Variants in THSD4 observed in about 807,000 individuals in gnomAD.
THSD4 encodes thrombospondin type 1 domain containing 4.
A neutral mutation model predicts 119.0 loss-of-function variants in THSD4; 69 were observed. The ratio of observed to expected loss-of-function variants is 0.58; its 90% CI spans 0.48 to 0.71. THSD4 has a LOEUF of 0.71. Among genes scored for constraint, THSD4 ranks in the 30% least tolerant of loss-of-function variants. The pLI, the probability that THSD4 is intolerant of heterozygous loss-of-function variation, is 0.00. For missense variants in THSD4, 1,393 were observed against 1,391.1 expected, an observed-to-expected ratio of 1.00 and a Z score of -0.02; for synonymous variants, 524 against 540.4, an observed-to-expected ratio of 0.97 and a Z score of 0.42.
intron 1 of THSD4, among the ~76,000 whole-genome samples, chr15:71,116,856 CT>C (rs1052565731): frequency 6.6e-6 from 1 of 152,002 alleles, no homozygotes; most frequent in African/African-American, 2.4e-5. Context: ...TTACTAGGGT[CT>C]TACTGGGTCT....
chr15:71,662,441 CCTTT>C (rs1361435153), intron 8 of THSD4, among the ~76,000 whole-genome samples: 1 of 152,174 alleles, frequency 6.6e-6, no homozygotes, highest in Admixed American at 6.5e-5. Flanking sequence ...TGTGTTTCCT[CCTTT>C]CTTTTGTACT....
chr15:71,724,006 T>A (rs1265496652), intron 8 of THSD4, among the ~76,000 whole-genome samples: 1 of 148,242 alleles, frequency 6.7e-6, no homozygotes, highest in Non-Finnish European at 1.5e-5. Flanking sequence ...CAGTGAGCAG[T>A]AAGCCATGAT....
intron 6 of THSD4, among the ~76,000 whole-genome samples, 171 bp downstream of exon 6, chr15:71,256,886 G>A (rs2044324082): frequency 6.6e-6 from 1 of 152,212 alleles, no homozygotes; most frequent in Non-Finnish European, 1.5e-5. Flanking sequence ...ACCAAAGGTA[G>A]CATAGCTCAG....
chr15:71,141,919 C>T (rs538890158), intron 2 of THSD4, among the ~76,000 whole-genome samples: 7 of 152,258 alleles, frequency 4.6e-5, no homozygotes, highest in South Asian at 2.1e-4. Flanking sequence ...CTCTGGCCAA[C>T]GTGGTGAAAC....
intron 8 of THSD4, among the ~76,000 whole-genome samples, chr15:71,681,599 G>A (rs934421512): frequency 2.6e-5 from 4 of 151,528 alleles, no homozygotes; most frequent in African/African-American, 7.3e-5. Context: ...CGATTGAACC[G>A]GGGGGGTGGA....
intron 6 of THSD4, among the ~76,000 whole-genome samples, chr15:71,390,849 CTTTTT>C (rs1010882999): frequency 7.7e-5 from 7 of 90,878 alleles, no homozygotes; most frequent in African/African-American, 1.8e-4. Context: ...TTGGCTAAAT[CTTTTT>C]TTTTTTTTTT....
rs11452105 is a variant in THSD4, at chr15:71,191,904, CTTTTT to C, written c.100-23119_100-23115del. Among the ~76,000 whole-genome samples, 1,319 of 142,450 alleles carry C rather than the reference CTTTTT, an allele frequency of 9.3e-3. 10 individuals are homozygous for C. Among genetic ancestry groups the C allele is most frequent in the Non-Finnish European group, 0.015 (1,009 of 66,666 alleles). 93.5% of individuals were successfully genotyped at this position (142,450 alleles called of 152,430 possible). On this transcript the variant is annotated intron_variant, in intron 3 of 17. Transcript: ENST00000261862. ...TATGCTTTGCCTTCTTCTTCTTCTT[CTTTTT>C]TTTTTTTTTTTGAGATGGAATCTCA...
chr15:71,225,135 C>T (rs562497733), intron 4 of THSD4, among the ~76,000 whole-genome samples: 2 of 129,750 alleles, frequency 1.5e-5, no homozygotes, highest in East Asian at 2.5e-4. Flanking sequence ...TCCTGTTTCC[C>T]AGAAAAATGA....
At chr15:71,711,589 G>A (rs565896412) in intron 8 of THSD4, among the ~76,000 whole-genome samples, 18 of 152,156 alleles carry the variant, frequency 1.2e-4, no homozygotes, top group African/African-American at 2.2e-4. Flanking sequence ...GTCATGACTC[G>A]TTGTAAATAC....
chr15:71,361,726 A>G (rs929848105), intron 6 of THSD4, among the ~76,000 whole-genome samples: 2 of 152,224 alleles, frequency 1.3e-5, no homozygotes, highest in African/African-American at 4.8e-5. Context: ...ATCACAAAAG[A>G]TTGGAAACAG....
Position 71,330,938 on chromosome 15 carries a change from C to T in THSD4, c.1015+74223C>T, listed in dbSNP as rs548326174. On this transcript the variant is annotated intron_variant, in intron 6 of 17. Transcript: ENST00000261862. ...GTGACATGGACACTAACCCGTTTAC[C>T]GGGTGCCACTGGCGATCTGGCCTTG... Among the ~76,000 whole-genome samples the T allele has an allele frequency of 4.9e-4, 74 of 152,286 alleles. 1 individual carries two copies. In the South Asian group the frequency reaches 6.0e-3, roughly 12 times the overall value.
In THSD4 at chr15:71,724,287, A is replaced by ATATATATATATATT; in HGVS notation, c.1358-4261_1358-4260insATATATATATATTT. On this transcript the variant is annotated intron_variant, in intron 8 of 17. Transcript: ENST00000261862. The stretch of plus-strand genomic sequence containing the variant: ...ATGGGATATATATATATATATATAT[A>ATATATATATATATT]TTTTTTTTTTCCCCCCAAGATGGAA... Among the ~76,000 whole-genome samples, 193 of 37,234 alleles carry ATATATATATATATT rather than the reference A, an allele frequency of 5.2e-3. 7 individuals carry two copies. The highest frequency in any genetic ancestry group is 8.2e-3 in the South Asian group (4 of 490). The allele number at this position is 37,234 out of a possible 152,430, so 24.4% of individuals were successfully genotyped here.
intron 7 of THSD4, among the ~76,000 whole-genome samples, chr15:71,629,404 G>T (rs1392989): frequency 0.77 from 117,378 of 152,022 alleles, 46,316 homozygotes; most frequent in Middle Eastern, 0.87. Flanking sequence ...CTGGCAGTGT[G>T]GACCCTGCTT....
intron 6 of THSD4, among the ~76,000 whole-genome samples, chr15:71,266,244 A>G (rs1296731082): frequency 2.6e-5 from 4 of 152,178 alleles, no homozygotes; most frequent in Non-Finnish European, 4.4e-5. Context: ...CCTCTGGGAC[A>G]AAGCTTCCAG....
chr15:71,193,739 G>A (rs769494356), intron 3 of THSD4, among the ~76,000 whole-genome samples: 3 of 151,900 alleles, frequency 2.0e-5, no homozygotes, highest in African/African-American at 4.8e-5. Flanking sequence ...ACGGAGTCTC[G>A]CTCTGTTGCC....
chr15:71,588,728 C>A (rs1228965309), intron 7 of THSD4, among the ~76,000 whole-genome samples: 1 of 152,202 alleles, frequency 6.6e-6, no homozygotes, highest in Admixed American at 6.5e-5. Context: ...GCCACCACAC[C>A]TGGCCAGTGA....
At chr15:71,512,883 G>A (rs940606410) in intron 7 of THSD4, among the ~76,000 whole-genome samples, 1 of 152,244 alleles carries the variant, frequency 6.6e-6, no homozygotes, top group African/African-American at 2.4e-5. Context: ...GCCTGGTCAG[G>A]ACACAGATTT....
chr15:71,171,162 A>G (rs1238572694), intron 3 of THSD4, among the ~76,000 whole-genome samples: 1 of 152,134 alleles, frequency 6.6e-6, no homozygotes, highest in Non-Finnish European at 1.5e-5. Context: ...AACTTGATGA[A>G]AACTATGAAT....
intron 1 of THSD4, among the ~76,000 whole-genome samples, chr15:71,133,919 T>C (rs2040526417): frequency 6.6e-6 from 1 of 152,186 alleles, no homozygotes; most frequent in African/African-American, 2.4e-5. Flanking sequence ...TTACCTAATT[T>C]CTCCAGGTGA....
Sources: allele counts gnomAD v4.1 joint callset (sites outside exome capture counted in the v4.1 genomes callset), GRCh38; gene constraint gnomAD v4.1.1; transcripts MANE v1.5; gene names NCBI Gene and HGNC (gene_info 2026-07-23, HGNC 2026-07-21).